Variants in RABEP1 observed in about 807,000 individuals in gnomAD.
The protein encoded by RABEP1 is rabaptin, RAB GTPase binding effector protein 1.
In RABEP1, 51 loss-of-function variants were observed where a neutral mutation model predicts 123.4. That is an observed-to-expected ratio of 0.41 (90% CI 0.33 to 0.52). The LOEUF (loss-of-function observed/expected upper bound fraction) is 0.52, where lower values mean the gene tolerates loss of function less well. RABEP1 is among the 20% of genes least tolerant of loss of function. The probability of loss-of-function intolerance (pLI) is 0.16; values close to 1 mark genes in which losing one functional copy is unlikely to be tolerated. For synonymous variants in RABEP1, 347 were observed against 355.2 expected, an observed-to-expected ratio of 0.98 and a Z score of 0.26; for missense variants, 888 against 996.3, an observed-to-expected ratio of 0.89 and a Z score of 1.46.
chr17:5,295,136 C>T (rs894936648), intron 1 of RABEP1, among the ~76,000 whole-genome samples: 1 of 151,742 alleles, frequency 6.6e-6, no homozygotes, highest in African/African-American at 2.4e-5. Context: ...AATCCCAGCA[C>T]TTTGGGAGAC....
chr17:5,361,261 G>T lies in RABEP1; in HGVS notation c.1149G>T (p.Leu383=), dbSNP rs764498160. ...GSVHSLDAGL[L]LPSGDPFSKS... The stretch of plus-strand genomic sequence containing the variant: ...TTCATTCCTTAGATGCAGGCTTGCT[G>T]TTGCCATCTGGAGATCCTTTCAGTA... Residue 383 remains leucine (L), a synonymous_variant, in exon 9 of 18, where the codon CTG becomes CTT. Transcript: ENST00000537505. 1.9e-6 allele frequency: 3 copies of T among 1,614,184 alleles called. No individual in the cohort carries two copies. Among genetic ancestry groups the T allele is most frequent in the Non-Finnish European group, 2.5e-6 (3 of 1,180,042 alleles).
chr17:5,313,261 G>A (rs1248231560), intron 2 of RABEP1, among the ~76,000 whole-genome samples: 1 of 152,302 alleles, frequency 6.6e-6, no homozygotes, highest in African/African-American at 2.4e-5. Flanking sequence ...TACATTTGAT[G>A]TATATATAAA....
chr17:5,361,054 A>G, intron 8 of RABEP1, 154 bp from the exon 9 acceptor site: 1 of 699,476 alleles, frequency 1.4e-6, no homozygotes, highest in Non-Finnish European at 2.3e-6. Flanking sequence ...TCCAGCATGT[A>G]GAAATGACAC....
intron 10 of RABEP1, among the ~76,000 whole-genome samples, chr17:5,363,962 A>G (rs77441951): frequency 0.03 from 4,612 of 152,286 alleles, 80 homozygotes; most frequent in Middle Eastern, 0.065. Context: ...CTTTTCCCTC[A>G]TATTTCCAAA....
chr17:5,332,049 T>C lies in RABEP1; in HGVS notation c.264T>C (p.Ile88=), dbSNP rs1906594644. Residue 88 remains isoleucine, a synonymous_variant, in exon 3 of 18, where the codon ATT becomes ATC. Coordinates refer to ENST00000537505, the MANE Select transcript of RABEP1 (RefSeq NM_004703.6). The part of the protein sequence containing the change: ...LWEAQAEMEN[I]KAIATVSENT... ...AAGCTCAAGCAGAGATGGAGAATAT[T>C]AAGGCGATTGCCACAGTCTCTGAGA... 1 of 1,614,030 alleles carries C rather than the reference T, an allele frequency of 6.2e-7. No individual in the cohort carries two copies. The highest frequency in any genetic ancestry group is 1.1e-5 in the South Asian group (1 of 91,076).
chr17:5,346,311 G>T (rs1311623761), intron 5 of RABEP1, among the ~76,000 whole-genome samples: 2 of 152,186 alleles, frequency 1.3e-5, no homozygotes, highest in Admixed American at 6.5e-5. Context: ...ATGAGTATAT[G>T]TATCTGTGAA....
At chr17:5,361,957 T>C in intron 9 of RABEP1, 1 of 338,288 alleles carries the variant, frequency 3.0e-6, no homozygotes, top group East Asian at 5.3e-5. Context: ...TGACTAGCAT[T>C]GCGGAATTTA....
chr17:5,302,151 G>A (rs2075140629), intron 1 of RABEP1, among the ~76,000 whole-genome samples: 1 of 151,966 alleles, frequency 6.6e-6, no homozygotes, highest in South Asian at 2.1e-4. Flanking sequence ...AACGGTGGGT[G>A]TGAAATTTCA....
chr17:5,338,820 G>T (rs535839417), intron 5 of RABEP1, among the ~76,000 whole-genome samples: 3 of 152,244 alleles, frequency 2.0e-5, no homozygotes, highest in South Asian at 2.1e-4. Flanking sequence ...TGTAGCTATA[G>T]TATTGCTGAA....
Position 5,368,442 on chromosome 17 carries a change from G to A in RABEP1, c.1858G>A (p.Ala620Thr). ...AGAGTTACAGCAGGGGCTTTCCCAGGCAAAGAGGGATGTTCAGGAACAGAT... is the reference window on the plus strand; with the variant it reads ...AGAGTTACAGCAGGGGCTTTCCCAGACAAAGAGGGATGTTCAGGAACAGAT... ...LEELQQGLSQ[A>T]KRDVQEQMAV... is the part of the protein sequence containing the mutation. The change falls in exon 12 of 18, where the codon GCA becomes ACA. Residue 620 changes from alanine (A) to threonine (T), a missense_variant. Coordinates refer to ENST00000537505, the MANE Select transcript of RABEP1 (RefSeq NM_004703.6). 1.9e-6 allele frequency: 3 copies of A among 1,613,090 alleles called. No homozygotes were observed. Among genetic ancestry groups the A allele is most frequent in the Non-Finnish European group, 2.5e-6 (3 of 1,179,610 alleles).
chr17:5,361,216 A>C lies in RABEP1; in HGVS notation c.1104A>C (p.Leu368Phe), dbSNP rs891834754. ...GTATTTTCACATTTCAGGAGCATTT[A>C]GACAGCACCCGTGGCTCAGTTCATT... ...SAQLSNEEEH[L>F]DSTRGSVHSL... The change falls in exon 9 of 18, where the codon TTA becomes TTC. Residue 368 changes from leucine to phenylalanine, a missense_variant. Physicochemically the swap from Leu to Phe is conservative, Grantham distance 22. Transcript: ENST00000537505. The C allele has an allele frequency of 6.2e-7, 1 of 1,613,000 alleles. No individual in the cohort carries two copies. Among genetic ancestry groups the C allele is most frequent in the Non-Finnish European group, 8.5e-7 (1 of 1,179,320 alleles).
intron 13 of RABEP1, among the ~76,000 whole-genome samples, chr17:5,374,621 A>AT (rs1157989940): frequency 3.3e-5 from 5 of 150,932 alleles, no homozygotes; most frequent in South Asian, 4.2e-4. Context: ...CTGTATTTTT[A>AT]TTTTTTTTAT....
chr17:5,283,195 C>T lies in RABEP1; in HGVS notation c.34+675C>T, dbSNP rs771982905. Among the ~76,000 whole-genome samples the T allele has an allele frequency of 2.9e-4, 44 of 151,412 alleles. 1 individual carries two copies. Among genetic ancestry groups the T allele is most frequent in the Non-Finnish European group, 1.0e-4 (7 of 67,948 alleles). ...TATTTTATCTATAAAAATAGCAACA[C>T]GAATGTGTATATACAATAATAGTAT... On this transcript the variant is annotated intron_variant, in intron 1 of 17. Transcript: ENST00000537505.
chr17:5,286,800 T>A (rs2074982751), intron 1 of RABEP1, among the ~76,000 whole-genome samples: 1 of 151,968 alleles, frequency 6.6e-6, no homozygotes, highest in African/African-American at 2.4e-5. Flanking sequence ...ACAACAAACG[T>A]AAGCAAATGA....
intron 5 of RABEP1, among the ~76,000 whole-genome samples, chr17:5,346,397 T>A (rs924065590): frequency 1.3e-5 from 2 of 152,214 alleles, no homozygotes; most frequent in Non-Finnish European, 2.9e-5. Context: ...CTTAAAAGTG[T>A]ATGGTATCGT....
chr17:5,319,587 G>T (rs1463260654), intron 2 of RABEP1, among the ~76,000 whole-genome samples: 1 of 151,828 alleles, frequency 6.6e-6, no homozygotes, highest in African/African-American at 2.4e-5. Context: ...TGCTGGTCTC[G>T]AACTCCTGAC....
At chr17:5,297,542 T>C (rs976699497) in intron 1 of RABEP1, among the ~76,000 whole-genome samples, 6 of 152,244 alleles carry the variant, frequency 3.9e-5, no homozygotes, top group African/African-American at 1.4e-4. Context: ...GCTCTGCTAC[T>C]TACTAGCTGT....
At chr17:5,319,884 A>G (rs770014598) in intron 2 of RABEP1, among the ~76,000 whole-genome samples, 11 of 152,178 alleles carry the variant, frequency 7.2e-5, no homozygotes, top group Non-Finnish European at 1.3e-4. Flanking sequence ...CAGGATGTAG[A>G]AAATTATTTC....
intron 5 of RABEP1, among the ~76,000 whole-genome samples, chr17:5,345,830 G>A (rs928256534): frequency 2.6e-5 from 4 of 152,108 alleles, no homozygotes; most frequent in African/African-American, 9.7e-5. Flanking sequence ...GCATGAAAAG[G>A]ACCTTGAATG....
Sources: gnomAD v4.1 joint callset for allele counts (sites outside exome capture counted in the v4.1 genomes callset) on GRCh38, gnomAD v4.1.1 for gene constraint, MANE v1.5 for transcripts, NCBI Gene and HGNC (gene_info 2026-07-23, HGNC 2026-07-21) for gene names.